NFIB: variants seen among roughly 807,000 people sequenced by gnomAD.
The protein encoded by NFIB is nuclear factor 1 B-type.
NFIB carries 11 observed loss-of-function variants against 61.5 expected under a neutral mutation model. The observed-to-expected ratio is 0.18, with a 90% CI of 0.11 to 0.30. NFIB has a LOEUF of 0.30. Among genes scored for constraint, NFIB ranks in the 10% least tolerant of loss-of-function variants. The pLI, the probability that NFIB is intolerant of heterozygous loss-of-function variation, is 1.00. For missense variants in NFIB, 471 were observed against 608.9 expected (o/e 0.77, Z 2.38); for synonymous variants, 260 against 216.5 (o/e 1.20, Z -1.76).
At chr9:14,513,627 C>CAAAAAA in the NFIB span, among the ~76,000 whole-genome samples, 1 of 113,766 alleles carries the variant, frequency 8.8e-6, no homozygotes, top group African/African-American at 3.6e-5. Flanking sequence ...GACTCCATCT[C>CAAAAAA]AAAAAAAAAA....
chr9:14,378,785 G>T (rs1422124621), intron 1 of NFIB, among the ~76,000 whole-genome samples: 1 of 152,194 alleles, frequency 6.6e-6, no homozygotes, highest in African/African-American at 2.4e-5. Flanking sequence ...GCATAGGACC[G>T]TGATTGTTAC....
upstream of NFIB, among the ~76,000 whole-genome samples, chr9:14,315,132 G>C (rs1172536519): frequency 6.6e-6 from 1 of 151,986 alleles, no homozygotes; most frequent in Non-Finnish European, 1.5e-5. Flanking sequence ...AGTAGTTGGG[G>C]CGCGCCGGCG....
At chr9:14,343,551 C>T (rs891628764) in intron 1 of NFIB, among the ~76,000 whole-genome samples, 41 of 152,160 alleles carry the variant, frequency 2.7e-4, no homozygotes, top group Admixed American at 5.9e-4. Flanking sequence ...CATGCTACAG[C>T]CTCTGCTGGC....
intron 1 of NFIB, among the ~76,000 whole-genome samples, chr9:14,372,074 A>T (rs2061364214): frequency 1.3e-5 from 2 of 151,796 alleles, no homozygotes; most frequent in Non-Finnish European, 2.9e-5. Flanking sequence ...TCCCAATCTC[A>T]GGTGCGCACC....
At chr9:14,219,727 G>C (rs1376648857) in intron 2 of NFIB, among the ~76,000 whole-genome samples, 1 of 152,184 alleles carries the variant, frequency 6.6e-6, no homozygotes, top group South Asian at 2.1e-4. Context: ...TGGAAAGAAA[G>C]CTTGAGCAAA....
At chr9:14,321,563 A>T (rs568375055) in intron 1 of NFIB, among the ~76,000 whole-genome samples, 1 of 152,356 alleles carries the variant, frequency 6.6e-6, no homozygotes, top group East Asian at 1.9e-4. Context: ...CCTACAAGGT[A>T]GAACTAAAGT....
At chr9:14,345,072 T>A (rs1374253394) in intron 1 of NFIB, among the ~76,000 whole-genome samples, 1 of 152,110 alleles carries the variant, frequency 6.6e-6, no homozygotes, top group Non-Finnish European at 1.5e-5. Context: ...TGGGCCACTC[T>A]CCTGAGCTCG....
chr9:14,485,599 G>T, the NFIB span, among the ~76,000 whole-genome samples: 1 of 152,032 alleles, frequency 6.6e-6, no homozygotes, highest in Non-Finnish European at 1.5e-5. Flanking sequence ...CCCTGCCTGG[G>T]CACGGTGGCT....
chr9:14,466,037 C>T, the NFIB span, among the ~76,000 whole-genome samples: 1 of 152,232 alleles, frequency 6.6e-6, no homozygotes, highest in South Asian at 2.1e-4. Flanking sequence ...GAGTCACCAG[C>T]TGTATTTGTC....
the NFIB span, among the ~76,000 whole-genome samples, chr9:14,438,298 TCAC>T: frequency 6.6e-6 from 1 of 152,134 alleles, no homozygotes; most frequent in Non-Finnish European, 1.5e-5. Flanking sequence ...TCCAAATACA[TCAC>T]CATCAGAAAG....
In NFIB at chr9:14,373,358, G is replaced by C. The variant is rs139763440; in HGVS notation, c.108+25166C>G. On this transcript the variant is annotated intron_variant, in intron 1 of 8. Coordinates refer to the NFIB transcript ENST00000380934. The stretch of plus-strand genomic sequence containing the variant: ...GATGGGAGTATAGAGCCCATTGCCA[G>C]CAGTGTCTGCTTAGGAATATCTTTT... Among the ~76,000 whole-genome samples the C allele has an allele frequency of 3.4e-3, 517 of 152,300 alleles. 5 individuals are homozygous for C. The highest frequency in any genetic ancestry group is 0.012 in the African/African-American group (499 of 41,562).
intron 1 of NFIB, among the ~76,000 whole-genome samples, chr9:14,386,672 C>G (rs951680333): frequency 4.6e-5 from 7 of 152,078 alleles, no homozygotes; most frequent in Admixed American, 4.6e-4. Context: ...TTACTATATG[C>G]CAGTGTTTAA....
At chr9:14,097,108 A>G (rs2034915847) in intron 10 of NFIB, among the ~76,000 whole-genome samples, 1 of 152,192 alleles carries the variant, frequency 6.6e-6, no homozygotes, top group Admixed American at 6.5e-5. Flanking sequence ...TAATGTTTTT[A>G]TTTTTGATTT....
chr9:14,228,330 G>A (rs1350046823), intron 2 of NFIB, among the ~76,000 whole-genome samples: 1 of 151,794 alleles, frequency 6.6e-6, no homozygotes, highest in South Asian at 2.1e-4. Flanking sequence ...GAGTAGCTGG[G>A]ATTACAGGAG....
At chr9:14,398,088 T>G (rs1588423031) in intron 1 of NFIB, among the ~76,000 whole-genome samples, 1 of 152,132 alleles carries the variant, frequency 6.6e-6, no homozygotes, top group Non-Finnish European at 1.5e-5. Context: ...CAAAGGCTGC[T>G]TATTGATTTT....
chr9:14,253,477 C>A (rs1232641267), intron 2 of NFIB, among the ~76,000 whole-genome samples: 1 of 152,024 alleles, frequency 6.6e-6, no homozygotes, highest in Non-Finnish European at 1.5e-5. Flanking sequence ...CACAAAACTC[C>A]CAGAAGGAAA....
chr9:14,240,560 T>C lies in NFIB; in HGVS notation c.563-60780A>G, dbSNP rs549552279. The stretch of plus-strand genomic sequence containing the variant: ...AAAACTCAACAGCTTCACTTGTTTA[T>C]AGAGGTACAAAAAGTATGCGACACA... On this transcript the variant is annotated intron_variant, in intron 2 of 10. Coordinates refer to ENST00000380953, the MANE Select transcript of NFIB (RefSeq NM_001190737.2). Among the ~76,000 whole-genome samples the C allele has an allele frequency of 6.6e-5, 10 of 152,290 alleles. No individual in the cohort carries two copies. In the East Asian group the frequency reaches 1.9e-3, roughly 29 times the overall value.
At chr9:14,221,696 G>A (rs891541765) in intron 2 of NFIB, among the ~76,000 whole-genome samples, 1 of 152,170 alleles carries the variant, frequency 6.6e-6, no homozygotes, top group Non-Finnish European at 1.5e-5. Flanking sequence ...ATTCTCCCAT[G>A]AAGCTGTCCT....
At position 14,082,198 on chromosome 9, in the gene NFIB, A is replaced by T; in HGVS notation, c.*6111T>A. 1 of 205,912 alleles carries T rather than the reference A, an allele frequency of 4.9e-6. No homozygotes were observed. 12.8% of individuals were successfully genotyped at this position (205,912 alleles called of 1,614,324 possible). A position where few individuals can be genotyped will look rare whatever the true frequency, so the allele number is the denominator to read the frequency against. On this transcript the variant is annotated 3_prime_UTR_variant, in exon 11 of 11. Transcript: ENST00000380953. ...AAGGTTTGTTACATGGAGATTGTGCATGTGCCTCCTTTTGTAAAAAAATTT... is the reference window on the plus strand; with the variant it reads ...AAGGTTTGTTACATGGAGATTGTGCTTGTGCCTCCTTTTGTAAAAAAATTT...
Sources: gnomAD v4.1 joint callset for allele counts (sites outside exome capture counted in the v4.1 genomes callset) on GRCh38, gnomAD v4.1.1 for gene constraint, MANE v1.5 for transcripts, NCBI Gene and HGNC (gene_info 2026-07-23, HGNC 2026-07-21) for gene names.